MKLN1: variants seen among roughly 807,000 people sequenced by gnomAD.
MKLN1 encodes muskelin.
Under a neutral mutation model 99.0 loss-of-function variants are expected in MKLN1, and 18 were observed. The observed-to-expected ratio is 0.18, with a 90% CI of 0.13 to 0.27. The LOEUF (loss-of-function observed/expected upper bound fraction) is 0.27. MKLN1 is among the 10% of genes least tolerant of loss of function. The probability of loss-of-function intolerance (pLI) is 1.00; values close to 1 mark genes in which losing one functional copy is unlikely to be tolerated. For missense variants in MKLN1, 621 were observed against 875.9 expected (o/e 0.71, Z 3.67); for synonymous variants, 288 against 293.2 (o/e 0.98, Z 0.18).
At chr7:131,478,862 A>C (rs1584784335) in intron 17 of MKLN1, 185 bp downstream of exon 17, 2 of 695,512 alleles carry the variant, frequency 2.9e-6, no homozygotes, top group East Asian at 5.1e-5. Context: ...ATCATTTTGC[A>C]GTTCAGTTTG....
chr7:131,386,641 T>G (rs959380353), intron 2 of MKLN1, among the ~76,000 whole-genome samples: 1 of 152,186 alleles, frequency 6.6e-6, no homozygotes, highest in Admixed American at 6.5e-5. Flanking sequence ...TAGAGTAGAT[T>G]TGGGTTTCAA....
chr7:131,282,868 T>C (rs1798072489), intron 3 of MKLN1, among the ~76,000 whole-genome samples: 1 of 152,216 alleles, frequency 6.6e-6, no homozygotes, highest in African/African-American at 2.4e-5. Context: ...AAAAGTTTTA[T>C]CTGATTTTCA....
At chr7:131,446,391 A>C (rs1175613520) in intron 12 of MKLN1, among the ~76,000 whole-genome samples, 1 of 152,230 alleles carries the variant, frequency 6.6e-6, no homozygotes, top group African/African-American at 2.4e-5. Flanking sequence ...CCCTGGCATA[A>C]TTATTAATAG....
intron 9 of MKLN1, among the ~76,000 whole-genome samples, chr7:131,432,558 C>T (rs1298174857): frequency 6.6e-6 from 1 of 152,140 alleles, no homozygotes; most frequent in Non-Finnish European, 1.5e-5. Context: ...AGCAATTCTC[C>T]TGCCTCAGCC....
chr7:131,164,096 C>T (rs540832662), intron 2 of MKLN1, among the ~76,000 whole-genome samples: 1 of 152,178 alleles, frequency 6.6e-6, no homozygotes, highest in East Asian at 1.9e-4. Context: ...GAAAAATAGA[C>T]TTACTTGCTT....
rs71174944 is a variant in MKLN1, at chr7:131,382,714, ATATTT to A, written c.169-4383_169-4379del. On this transcript the variant is annotated intron_variant, in intron 2 of 17. Coordinates refer to ENST00000352689, the MANE Select transcript of MKLN1 (RefSeq NM_013255.5). ...CATTAAGCATGATGCTTAGCTATAGATATTTTATTTTATTTTATTTTATTTTAGAG... is the reference window on the plus strand; with the variant it reads ...CATTAAGCATGATGCTTAGCTATAGATATTTTATTTTATTTTATTTTAGAG... Among the ~76,000 whole-genome samples the A allele has an allele frequency of 7.4e-5, 11 of 148,936 alleles. No individual in the cohort carries two copies. The East Asian group carries it at 1.0e-3, about 14-fold the overall frequency.
chr7:131,329,738 G>C (rs1799015572), intron 1 of MKLN1, among the ~76,000 whole-genome samples: 1 of 152,104 alleles, frequency 6.6e-6, no homozygotes, highest in Admixed American at 6.6e-5. Context: ...TGATTTAGTG[G>C]GATGGCAACT....
At chr7:131,247,398 T>G (rs1208536799) in intron 3 of MKLN1, among the ~76,000 whole-genome samples, 1 of 151,970 alleles carries the variant, frequency 6.6e-6, no homozygotes, top group Non-Finnish European at 1.5e-5. Context: ...GTATTTTTAG[T>G]AGAGATGGGG....
chr7:131,396,254 G>T (rs985307119), intron 4 of MKLN1, among the ~76,000 whole-genome samples: 8 of 152,016 alleles, frequency 5.3e-5, no homozygotes, highest in African/African-American at 1.9e-4. Flanking sequence ...TCTATTTTTA[G>T]TGGAGACAGA....
intron 12 of MKLN1, among the ~76,000 whole-genome samples, chr7:131,453,876 C>G (rs964626094): frequency 2.6e-5 from 4 of 151,956 alleles, no homozygotes; most frequent in Non-Finnish European, 5.9e-5. Flanking sequence ...AGAACAATGA[C>G]AAATTATATG....
intron 8 of MKLN1, among the ~76,000 whole-genome samples, chr7:131,414,978 T>TG (rs1794974379): frequency 6.6e-6 from 1 of 152,146 alleles, no homozygotes; most frequent in African/African-American, 2.4e-5. Context: ...TGGGAATTAC[T>TG]GGAATAAAGA....
intron 12 of MKLN1, among the ~76,000 whole-genome samples, chr7:131,458,293 G>T (rs911316454): frequency 6.6e-6 from 1 of 152,188 alleles, no homozygotes; most frequent in Non-Finnish European, 1.5e-5. Context: ...AGGCATATTT[G>T]CCTTAGCACA....
intron 3 of MKLN1, among the ~76,000 whole-genome samples, chr7:131,282,605 C>T (rs543566325): frequency 6.6e-5 from 10 of 152,130 alleles, no homozygotes; most frequent in South Asian, 2.1e-4. Context: ...GAGCTGGGTT[C>T]GAAGGCTCAC....
chr7:131,445,951 T>G, intron 12 of MKLN1, 48 bp downstream of exon 12: 1 of 1,314,016 alleles, frequency 7.6e-7, no homozygotes, highest in Non-Finnish European at 1.0e-6. Context: ...CTACTTTAGG[T>G]AGAAAACTGC....
chr7:131,131,841 T>C (rs1795556880), intron 1 of MKLN1, among the ~76,000 whole-genome samples: 1 of 152,206 alleles, frequency 6.6e-6, no homozygotes, highest in Non-Finnish European at 1.5e-5. Context: ...CCAACATTTA[T>C]TGAGAACTTA....
chr7:131,197,996 G>A (rs1342021975), intron 2 of MKLN1, among the ~76,000 whole-genome samples: 1 of 152,002 alleles, frequency 6.6e-6, no homozygotes, highest in African/African-American at 2.4e-5. Flanking sequence ...CACCATACTG[G>A]ACTAATTTTA....
intron 1 of MKLN1, among the ~76,000 whole-genome samples, chr7:131,124,910 T>C (rs2116208785): frequency 6.6e-6 from 1 of 152,306 alleles, no homozygotes; most frequent in African/African-American, 2.4e-5. Context: ...CTAAACTGCC[T>C]GGTATTAACA....
chr7:131,344,757 A>G (rs989561241), intron 1 of MKLN1, among the ~76,000 whole-genome samples: 3 of 152,192 alleles, frequency 2.0e-5, no homozygotes, highest in Non-Finnish European at 4.4e-5. Context: ...ATTCTTTTAA[A>G]CAAAATAAAA....
intron 1 of MKLN1, among the ~76,000 whole-genome samples, chr7:131,372,161 G>C (rs1223228773): frequency 6.6e-6 from 1 of 151,686 alleles, no homozygotes; most frequent in African/African-American, 2.4e-5. Context: ...TGATTTTTGT[G>C]GTTCCAATGT....
Sources: gnomAD v4.1 joint callset for allele counts (sites outside exome capture counted in the v4.1 genomes callset) on GRCh38, gnomAD v4.1.1 for gene constraint, MANE v1.5 for transcripts, NCBI Gene and HGNC (gene_info 2026-07-23, HGNC 2026-07-21) for gene names.